The following GRM1 variants were observed in gnomAD, a reference collection of about 807,000 sequenced individuals.
GRM1 encodes the protein metabotropic glutamate receptor 1.
GRM1 carries 33 observed loss-of-function variants against 90.9 expected under a neutral mutation model. The observed-to-expected ratio is 0.36, with a 90% CI of 0.28 to 0.49. The LOEUF is 0.49. Among genes scored for constraint, GRM1 ranks in the 20% least tolerant of loss-of-function variants. GRM1 has a pLI of 0.99. For synonymous variants in GRM1, 700 were observed against 613.2 expected, an observed-to-expected ratio of 1.14 and a Z score of -2.09; for missense variants, 1,190 against 1,534.3, an observed-to-expected ratio of 0.78 and a Z score of 3.75.
intron 3 of GRM1, among the ~76,000 whole-genome samples, chr6:146,326,298 A>T (rs1784397912): frequency 6.6e-6 from 1 of 152,214 alleles, no homozygotes; most frequent in Admixed American, 6.5e-5. Flanking sequence ...AGGGACACGG[A>T]TGGAGCTGGA....
chr6:146,086,253 CT>C (rs1189237486), intron 1 of GRM1, among the ~76,000 whole-genome samples: 1 of 152,140 alleles, frequency 6.6e-6, no homozygotes, highest in Non-Finnish European at 1.5e-5. Flanking sequence ...GCTATACAAA[CT>C]CTGATTTGCT....
chr6:146,355,925 C>G (rs1313516901), intron 4 of GRM1, among the ~76,000 whole-genome samples: 2 of 152,192 alleles, frequency 1.3e-5, no homozygotes, highest in African/African-American at 4.8e-5. Context: ...GAGGCCGTGA[C>G]TCATCTTCTA....
upstream of GRM1, among the ~76,000 whole-genome samples, chr6:146,028,544 G>A (rs3811104): frequency 1.3e-3 from 199 of 151,946 alleles, 5 homozygotes; most frequent in East Asian, 0.035. Flanking sequence ...CGGGAAACAA[G>A]TTACCTTATC....
At position 146,434,384 on chromosome 6, in the gene GRM1, C is replaced by T. The variant is rs1256517350; in HGVS notation, c.3173C>T (p.Pro1058Leu). ...GCGGTGCTGGCAGGCCCCGGTGGTC[C>T]CGGGAACGGGCTGCGGTCCCTGTAC... ...FHAVLAGPGG[P>L]GNGLRSLYPP... The change falls in exon 8 of 8, where the codon CCC becomes CTC. Residue 1058 changes from proline (P) to leucine (L), a missense_variant. Physicochemically the swap from Pro to Leu is moderately conservative, Grantham distance 98 (BLOSUM62 -3). Coordinates refer to ENST00000282753, the MANE Select transcript of GRM1 (RefSeq NM_001278064.2). 2 of 1,613,122 alleles carry T rather than the reference C, an allele frequency of 1.2e-6. No homozygotes were observed. Among genetic ancestry groups the T allele is most frequent in the African/African-American group, 1.3e-5 (1 of 74,920 alleles).
At chr6:146,232,925 A>G (rs1362126030) in intron 2 of GRM1, among the ~76,000 whole-genome samples, 1 of 151,738 alleles carries the variant, frequency 6.6e-6, no homozygotes, top group Non-Finnish European at 1.5e-5. Flanking sequence ...TGTTCATAGC[A>G]TTCCTTATTA....
At position 146,399,002 on chromosome 6, in the gene GRM1, A is replaced by G; in HGVS notation, c.1963A>G (p.Thr655Ala). 1 of 1,612,852 alleles carries G rather than the reference A, an allele frequency of 6.2e-7. No homozygotes were observed. ...PFTLIAKPTT[T>A]SCYLQRLLVG... ...CACTCTCATTGCCAAACCTACTACC[A>G]CCTCCTGCTACCTCCAGCGCCTCTT... The change falls in exon 7 of 8, where the codon ACC becomes GCC. Residue 655 changes from threonine (T) to alanine (A), a missense_variant. By Grantham distance (58) the Thr-to-Ala change is moderately conservative. Coordinates refer to ENST00000282753, the MANE Select transcript of GRM1 (RefSeq NM_001278064.2). The surrounding 1 kb of genome is among the most constrained non-coding windows in gnomAD (Gnocchi z 5.4).
chr6:146,332,260 G>A (rs192463519), intron 3 of GRM1, among the ~76,000 whole-genome samples: 1 of 152,236 alleles, frequency 6.6e-6, no homozygotes, highest in Admixed American at 6.5e-5. Context: ...CAGTTATGTA[G>A]GTCAGAAGTC....
chr6:146,030,750 G>A (rs979000704), intron 1 of GRM1, among the ~76,000 whole-genome samples: 1 of 152,158 alleles, frequency 6.6e-6, no homozygotes, highest in Non-Finnish European at 1.5e-5. Context: ...GATTAATGCA[G>A]TCATCTCCCT....
Position 146,434,708 on chromosome 6 carries a change from T to G in GRM1, c.3497T>G (p.Val1166Gly), listed in dbSNP as rs1173786607. 1 of 1,602,788 alleles carries G rather than the reference T, an allele frequency of 6.2e-7. No homozygotes were observed. Among genetic ancestry groups the G allele is most frequent in the Middle Eastern group, 1.6e-4 (1 of 6,062 alleles). Reference sequence around the variant, plus strand: ...GGCAGCTCGGTGCCCAGCTCCCCCGTGTCCGAGTCGGTGCTCTGCACCCCT... The same window carrying G: ...GGCAGCTCGGTGCCCAGCTCCCCCGGGTCCGAGTCGGTGCTCTGCACCCCT... ...ASGSSVPSSP[V>G]SESVLCTPPN... is the part of the protein sequence containing the mutation. Residue 1166 changes from valine (V) to glycine (G), a missense_variant, in exon 8 of 8, where the codon GTG becomes GGG. Val to Gly is a moderately radical substitution (Grantham distance 109). Coordinates refer to ENST00000282753, the MANE Select transcript of GRM1 (RefSeq NM_001278064.2).
chr6:146,042,742 C>A lies in GRM1; in HGVS notation c.700+12525C>A, dbSNP rs926210737. 9.2e-5 allele frequency among the ~76,000 whole-genome samples: 14 copies of A among 152,074 alleles called. No homozygotes were observed. In the East Asian group the frequency reaches 1.8e-3, roughly 19 times the overall value. On this transcript the variant is annotated intron_variant, in intron 1 of 7. Transcript: ENST00000282753. The stretch of plus-strand genomic sequence containing the variant: ...GTAGTGTTAGTTCATACTATTTTGA[C>A]ATTCTCTTCACTATTGTACAGCCCT...
chr6:146,401,160 G>T (rs12523786), intron 7 of GRM1, among the ~76,000 whole-genome samples: 6,578 of 152,076 alleles, frequency 0.043, 243 homozygotes, highest in East Asian at 0.19. Flanking sequence ...GGAGTCTTTG[G>T]GAAAACATAT....
chr6:146,351,729 T>C lies in GRM1; in HGVS notation c.1187-521T>C, dbSNP rs74426361. On this transcript the variant is annotated intron_variant, in intron 3 of 7. Transcript: ENST00000282753. ...TCAACCGTATATAAGAAGAGATTCA[T>C]ACTGACCAGTTCTAACTCTGGATTT... Among the ~76,000 whole-genome samples the C allele has an allele frequency of 1.6e-3, 249 of 152,238 alleles. 2 individuals are homozygous for C. The East Asian group carries it at 0.024, about 15-fold the overall frequency.
intron 1 of GRM1, among the ~76,000 whole-genome samples, chr6:146,056,248 A>T (rs2128851423): frequency 6.6e-6 from 1 of 152,252 alleles, no homozygotes; most frequent in African/African-American, 2.4e-5. Context: ...AGGGACACAC[A>T]GGTGAGGCTA....
At chr6:146,216,527 G>A (rs1779876999) in intron 2 of GRM1, among the ~76,000 whole-genome samples, 1 of 152,156 alleles carries the variant, frequency 6.6e-6, no homozygotes, top group African/African-American at 2.4e-5. Context: ...TTGACCTGAA[G>A]TTTGTCTTCT....
intron 1 of GRM1, among the ~76,000 whole-genome samples, chr6:146,051,489 T>A (rs567601157): frequency 6.6e-6 from 1 of 152,242 alleles, no homozygotes; most frequent in East Asian, 1.9e-4. Flanking sequence ...ACTGAGAGCC[T>A]CTTAGGCATC....
chr6:146,321,832 T>C (rs1422602078), intron 3 of GRM1, among the ~76,000 whole-genome samples: 6 of 152,146 alleles, frequency 3.9e-5, no homozygotes, highest in Non-Finnish European at 8.8e-5. Context: ...TATTCTTCCA[T>C]CTCTTTATTT....
intron 1 of GRM1, among the ~76,000 whole-genome samples, chr6:146,113,019 T>C (rs1269553839): frequency 2.0e-5 from 3 of 152,230 alleles, no homozygotes; most frequent in Non-Finnish European, 4.4e-5. Context: ...CTCTTAAGTC[T>C]TCAAGCTCCA....
intron 2 of GRM1, among the ~76,000 whole-genome samples, chr6:146,213,694 A>G (rs1366261087): frequency 6.7e-6 from 1 of 149,494 alleles, no homozygotes; most frequent in Non-Finnish European, 1.5e-5. Context: ...TTAGATAGAT[A>G]GATAGATAGA....
intron 1 of GRM1, among the ~76,000 whole-genome samples, chr6:146,037,102 C>A (rs1790919189): frequency 6.6e-6 from 1 of 151,886 alleles, no homozygotes; most frequent in African/African-American, 2.4e-5. Context: ...ATAATCACTA[C>A]CATGTTATAT....
Sources: gnomAD v4.1 joint callset for allele counts (sites outside exome capture counted in the v4.1 genomes callset) on GRCh38, gnomAD v4.1.1 for gene constraint, Gnocchi (gnomAD v3.1) non-coding constraint, MANE v1.5 for transcripts, NCBI Gene and HGNC (gene_info 2026-07-23, HGNC 2026-07-21) for gene names.